DAPK1: variants seen among roughly 807,000 people sequenced by gnomAD.
DAPK1 encodes the protein death associated protein kinase 1.
DAPK1 carries 56 observed loss-of-function variants against 144.9 expected under a neutral mutation model. That is an observed-to-expected ratio of 0.39 (90% CI 0.31 to 0.48). DAPK1 has a LOEUF of 0.48. Ranked by LOEUF, DAPK1 falls within the 20% of genes least tolerant of loss-of-function variation. The probability of loss-of-function intolerance (pLI) is 0.95; values close to 1 mark genes in which losing one functional copy is unlikely to be tolerated. For missense variants in DAPK1, 1,454 were observed against 1,875.4 expected (o/e 0.78, Z 4.15); for synonymous variants, 690 against 749.0 (o/e 0.92, Z 1.29).
At chr9:87,682,227 C>T (rs1440988714) in intron 20 of DAPK1, among the ~76,000 whole-genome samples, 2 of 152,190 alleles carry the variant, frequency 1.3e-5, no homozygotes, top group Admixed American at 6.5e-5. Flanking sequence ...TCCTTGGGAA[C>T]GTTTGCTGCC....
At chr9:87,625,392 C>T (rs186800043) in intron 3 of DAPK1, among the ~76,000 whole-genome samples, 34 of 152,316 alleles carry the variant, frequency 2.2e-4, no homozygotes, top group Admixed American at 1.7e-3. Context: ...TAATGTTTGC[C>T]TATTTCTGTG....
In DAPK1 at chr9:87,668,595, A is replaced by C. The variant is rs1831139155; in HGVS notation, c.1924-2A>C. On this transcript the variant is annotated splice_acceptor_variant, in intron 18 of 25. Coordinates refer to ENST00000408954, the MANE Select transcript of DAPK1 (RefSeq NM_004938.4). LOFTEE classifies it high-confidence loss of function. ...AGAAACTAATGCATTTTTCTCCAACAGGACGGAAAGACGGCAGAAGATCTT... is the reference window on the plus strand; with the variant it reads ...AGAAACTAATGCATTTTTCTCCAACCGGACGGAAAGACGGCAGAAGATCTT... 7.4e-7 allele frequency: 1 copy of C among 1,354,810 alleles called. No homozygotes were observed. The highest frequency in any genetic ancestry group is 1.1e-6 in the Non-Finnish European group (1 of 942,796). 83.9% of individuals were successfully genotyped at this position (1,354,810 alleles called of 1,614,324 possible). A position where few individuals can be genotyped will look rare whatever the true frequency, so the allele number is the denominator to read the frequency against.
chr9:87,655,436 T>G (rs1489151387), intron 17 of DAPK1, among the ~76,000 whole-genome samples: 1 of 152,248 alleles, frequency 6.6e-6, no homozygotes, highest in Admixed American at 6.5e-5. Context: ...AAGGCATCGC[T>G]TCCTACCAAA....
intron 3 of DAPK1, chr9:87,633,338 G>A: frequency 1.0e-6 from 1 of 985,074 alleles, no homozygotes. Context: ...GAAGGAAGAT[G>A]AGTATATGTG....
chr9:87,520,481 T>A (rs538668129), intron 2 of DAPK1, among the ~76,000 whole-genome samples: 4 of 152,056 alleles, frequency 2.6e-5, no homozygotes, highest in Non-Finnish European at 5.9e-5. Context: ...CTTCTTCCTG[T>A]GATAATAAAG....
chr9:87,706,620 G>C lies in DAPK1; in HGVS notation c.3549G>C (p.Leu1183=). 1 of 1,613,168 alleles carries C rather than the reference G, an allele frequency of 6.2e-7. No homozygotes were observed. The highest frequency in any genetic ancestry group is 1.3e-5 in the African/African-American group (1 of 75,062). ...AGCTGGCCAACCGTGGGGCCGAGCT[G>C]CTGGTGCTGCTGGTCAACCACGGCC... is the stretch of plus-strand genomic sequence containing the variant. The part of the protein sequence containing the change: ...GCKLANRGAE[L]LVLLVNHGQG... The change falls in exon 26 of 26, where the codon CTG becomes CTC. Residue 1183 remains leucine, a synonymous_variant. Transcript: ENST00000408954. The surrounding 1 kb of genome is among the most constrained non-coding windows in gnomAD (Gnocchi z 9.0).
At chr9:87,682,382 A>G (rs575405438) in intron 20 of DAPK1, among the ~76,000 whole-genome samples, 10 of 152,220 alleles carry the variant, frequency 6.6e-5, no homozygotes, top group Non-Finnish European at 1.2e-4. Context: ...GTTTGTGGAA[A>G]GATAAGAGAC....
intron 2 of DAPK1, among the ~76,000 whole-genome samples, chr9:87,571,527 A>ACACACC (rs1554684291): frequency 4.2e-5 from 6 of 141,296 alleles, no homozygotes; most frequent in South Asian, 2.3e-4. Flanking sequence ...ACACACACAC[A>ACACACC]CCAGAAGCGA....
chr9:87,706,393 A>G lies in DAPK1; in HGVS notation c.3322A>G (p.Lys1108Glu). 1 of 1,612,268 alleles carries G rather than the reference A, an allele frequency of 6.2e-7. No homozygotes were observed. The highest frequency in any genetic ancestry group is 8.5e-7 in the Non-Finnish European group (1 of 1,179,190). The change falls in exon 26 of 26, where the codon AAG becomes GAG. Residue 1108 changes from lysine (K) to glutamate (E), a missense_variant. This residue lies in a region of DAPK1 where 1,025 missense variants were observed against 1,237.9 expected (regional missense o/e 0.83). Coordinates refer to ENST00000408954, the MANE Select transcript of DAPK1 (RefSeq NM_004938.4). The surrounding 1 kb of genome is among the most constrained non-coding windows in gnomAD (Gnocchi z 9.0). ...GTMVDVPALI[K>E]TDNLHRSWAD... ...CATGGTGGACGTCCCAGCCCTGATC[A>G]AGACAGACAACCTGCACCGCTCCTG...
chr9:87,655,929 C>CCAG (rs1405437799), intron 17 of DAPK1, among the ~76,000 whole-genome samples: 4 of 152,174 alleles, frequency 2.6e-5, no homozygotes, highest in African/African-American at 9.7e-5. Context: ...AGCACTGTGC[C>CCAG]CAGCGCAGAG....
chr9:87,584,664 T>TGTG (rs1827876751), intron 2 of DAPK1, among the ~76,000 whole-genome samples: 1 of 140,406 alleles, frequency 7.1e-6, no homozygotes, highest in Non-Finnish European at 1.6e-5. Flanking sequence ...TGATAGCTCA[T>TGTG]TGTGTGTGTG....
At chr9:87,543,656 G>A (rs1257300760) in intron 2 of DAPK1, among the ~76,000 whole-genome samples, 1 of 152,088 alleles carries the variant, frequency 6.6e-6, no homozygotes, top group African/African-American at 2.4e-5. Context: ...GCTGGATAAG[G>A]TAATAAAAAC....
chr9:87,516,683 C>T (rs1825072095), intron 2 of DAPK1, among the ~76,000 whole-genome samples: 1 of 152,146 alleles, frequency 6.6e-6, no homozygotes, highest in South Asian at 2.1e-4. Context: ...CAGGGGCAGC[C>T]CACATGGCTT....
At chr9:87,545,791 C>T (rs143744850) in intron 2 of DAPK1, among the ~76,000 whole-genome samples, 261 of 152,160 alleles carry the variant, frequency 1.7e-3, no homozygotes, top group African/African-American at 5.8e-3. Flanking sequence ...GTGATCCACC[C>T]GCCTCAGCCT....
intron 2 of DAPK1, among the ~76,000 whole-genome samples, chr9:87,548,281 G>C (rs1198692198): frequency 6.6e-6 from 1 of 152,112 alleles, no homozygotes; most frequent in Non-Finnish European, 1.5e-5. Context: ...TTCTCACCAG[G>C]ACCAAAGTCA....
At chr9:87,668,904 G>A (rs996417022) in intron 19 of DAPK1, 8 of 500,872 alleles carry the variant, frequency 1.6e-5, no homozygotes, top group East Asian at 1.1e-4. Context: ...TGCAGTTGCC[G>A]TGCCTGGTTT....
intron 18 of DAPK1, among the ~76,000 whole-genome samples, chr9:87,661,118 G>A (rs575645363): frequency 1.8e-4 from 28 of 152,306 alleles, no homozygotes; most frequent in African/African-American, 5.5e-4. Context: ...GATTACAGGC[G>A]TGAGCCACCA....
intron 2 of DAPK1, among the ~76,000 whole-genome samples, chr9:87,546,705 C>T (rs1826264253): frequency 1.3e-5 from 2 of 152,230 alleles, no homozygotes; most frequent in South Asian, 2.1e-4. Context: ...CCCATCCTCT[C>T]TCTACCCAGC....
intron 17 of DAPK1, among the ~76,000 whole-genome samples, chr9:87,656,348 A>C (rs756241859): frequency 1.4e-4 from 22 of 152,204 alleles, no homozygotes; most frequent in Admixed American, 3.3e-4. Context: ...TTCTGTCCCA[A>C]CCTGGGCCCT....
Sources: gnomAD v4.1 joint callset for allele counts (sites outside exome capture counted in the v4.1 genomes callset) on GRCh38, gnomAD v4.1.1 for gene constraint, gnomAD v4.1.1 regional missense constraint, Gnocchi (gnomAD v3.1) non-coding constraint, MANE v1.5 for transcripts, NCBI Gene and HGNC (gene_info 2026-07-23, HGNC 2026-07-21) for gene names.